PACRG: variants seen among roughly 807,000 people sequenced by gnomAD.
PACRG encodes parkin coregulated.
PACRG carries 29 observed loss-of-function variants against 29.7 expected under a neutral mutation model. The observed-to-expected ratio is 0.98, with a 90% CI of 0.73 to 1.33. The LOEUF (loss-of-function observed/expected upper bound fraction) is 1.33, where lower values mean the gene tolerates loss of function less well. Ranked by LOEUF, PACRG falls within the 40% of genes most tolerant of loss-of-function variation. The probability of loss-of-function intolerance (pLI) is 0.00; values close to 1 mark genes in which losing one functional copy is unlikely to be tolerated. For missense variants in PACRG, 279 were observed against 316.2 expected, an observed-to-expected ratio of 0.88 and a Z score of 0.89; for synonymous variants, 116 against 118.7, an observed-to-expected ratio of 0.98 and a Z score of 0.15.
intron 4 of PACRG, among the ~76,000 whole-genome samples, chr6:163,200,578 G>T (rs963243910): frequency 2.0e-5 from 3 of 152,026 alleles, no homozygotes; most frequent in African/African-American, 7.2e-5. Flanking sequence ...TGAATTTCGT[G>T]AGCAGCATGC....
chr6:162,797,303 G>GA (rs1010130703), intron 1 of PACRG, among the ~76,000 whole-genome samples: 9 of 151,894 alleles, frequency 5.9e-5, no homozygotes, highest in East Asian at 1.9e-4. Flanking sequence ...AACAACAACA[G>GA]AAAAAAACCT....
At chr6:162,944,605 G>A (rs930982728) in intron 2 of PACRG, among the ~76,000 whole-genome samples, 2 of 152,072 alleles carry the variant, frequency 1.3e-5, no homozygotes, top group African/African-American at 2.4e-5. Context: ...TGAATAAGAT[G>A]TTTACCAAAG....
intron 4 of PACRG, among the ~76,000 whole-genome samples, chr6:163,234,799 C>A (rs966624594): frequency 6.6e-5 from 10 of 152,260 alleles, no homozygotes; most frequent in African/African-American, 2.4e-4. Flanking sequence ...AGCAACAATG[C>A]TGTCTTGGGT....
intron 4 of PACRG, among the ~76,000 whole-genome samples, chr6:163,162,980 A>G (rs923613769): frequency 1.3e-5 from 2 of 152,224 alleles, no homozygotes; most frequent in Admixed American, 6.5e-5. Flanking sequence ...ACCACACAGC[A>G]AGGCAAACTC....
chr6:162,879,199 C>T (rs1793623623), intron 2 of PACRG, among the ~76,000 whole-genome samples: 1 of 152,116 alleles, frequency 6.6e-6, no homozygotes, highest in Admixed American at 6.6e-5. Context: ...ACTTTATTGC[C>T]AATTGTGCAC....
intron 2 of PACRG, among the ~76,000 whole-genome samples, chr6:162,989,450 G>A (rs1803216119): frequency 6.6e-6 from 1 of 152,134 alleles, no homozygotes; most frequent in Admixed American, 6.6e-5. Context: ...TCAAGTACCT[G>A]ACATGAAATG....
At chr6:162,947,619 T>TATATATATATATAATC (rs1799304070) in intron 2 of PACRG, among the ~76,000 whole-genome samples, 2 of 47,314 alleles carry the variant, frequency 4.2e-5, no homozygotes, top group African/African-American at 1.6e-4. Flanking sequence ...ATCATATATA[T>TATATATATATATAATC]ATATATATAT....
At chr6:163,084,606 A>G (rs1390314516) in intron 3 of PACRG, among the ~76,000 whole-genome samples, 1 of 152,144 alleles carries the variant, frequency 6.6e-6, no homozygotes, top group Admixed American at 6.5e-5. Context: ...ATTACGCGTT[A>G]CAGTTCAGGC....
At chr6:162,979,053 T>C (rs1419941067) in intron 2 of PACRG, among the ~76,000 whole-genome samples, 1 of 152,188 alleles carries the variant, frequency 6.6e-6, no homozygotes, top group Non-Finnish European at 1.5e-5. Flanking sequence ...AAACATATAT[T>C]CGTTATATAG....
At chr6:162,967,250 G>GAA (rs11319991) in intron 2 of PACRG, among the ~76,000 whole-genome samples, 60 of 150,174 alleles carry the variant, frequency 4.0e-4, no homozygotes, top group South Asian at 2.9e-3. Context: ...TACTAAAACT[G>GAA]AAAAAAAAAA....
At chr6:162,817,935 T>C (rs568548087) in intron 2 of PACRG, among the ~76,000 whole-genome samples, 3 of 152,280 alleles carry the variant, frequency 2.0e-5, no homozygotes, top group South Asian at 4.1e-4. Flanking sequence ...TATATACTTA[T>C]CAATGGCAAG....
intron 2 of PACRG, among the ~76,000 whole-genome samples, chr6:163,047,734 T>C (rs775221992): frequency 7.2e-5 from 11 of 152,220 alleles, no homozygotes; most frequent in Non-Finnish European, 1.3e-4. Flanking sequence ...GCATTTGTAG[T>C]AAAACAGCCA....
At chr6:162,796,040 C>T (rs575234550) in intron 1 of PACRG, among the ~76,000 whole-genome samples, 9 of 152,086 alleles carry the variant, frequency 5.9e-5, no homozygotes, top group Non-Finnish European at 1.0e-4. Flanking sequence ...TCATCATTCC[C>T]CAATGTTTTA....
chr6:162,939,173 A>G (rs983975225), intron 2 of PACRG, among the ~76,000 whole-genome samples: 3 of 152,210 alleles, frequency 2.0e-5, no homozygotes, highest in African/African-American at 7.2e-5. Context: ...AGGACTCCCT[A>G]TTCAACAAAT....
chr6:163,181,101 C>T (rs896422712), intron 4 of PACRG, among the ~76,000 whole-genome samples: 15 of 152,194 alleles, frequency 9.9e-5, no homozygotes, highest in South Asian at 6.2e-4. Flanking sequence ...TTCAGCTGTG[C>T]GGGCACCTGT....
chr6:163,299,201 G>T (rs1422500565), intron 4 of PACRG, among the ~76,000 whole-genome samples: 1 of 152,224 alleles, frequency 6.6e-6, no homozygotes, highest in Non-Finnish European at 1.5e-5. Context: ...TTAGAAGCTG[G>T]TTCCTGAGTC....
At chr6:163,313,991 C>T (rs747297031) in intron 4 of PACRG, 2 of 152,216 alleles carry the variant, frequency 1.3e-5, no homozygotes, top group East Asian at 1.9e-4. Context: ...TGGATACAAT[C>T]GCATATCTCT....
intron 1 of PACRG, among the ~76,000 whole-genome samples, chr6:162,739,722 G>T (rs2128258424): frequency 6.6e-6 from 1 of 151,642 alleles, no homozygotes; most frequent in South Asian, 2.1e-4. Context: ...GGTGTCTGTA[G>T]TCCCAGCTAC....
At chr6:162,733,959 G>A (rs151093994) in intron 1 of PACRG, among the ~76,000 whole-genome samples, 2,585 of 152,174 alleles carry the variant, frequency 0.017, 31 homozygotes, top group Non-Finnish European at 0.027. Context: ...TTCTACCAGA[G>A]AGTAAGCCCC....
Sources: gnomAD v4.1 joint callset for allele counts (sites outside exome capture counted in the v4.1 genomes callset) on GRCh38, gnomAD v4.1.1 for gene constraint, MANE v1.5 for transcripts, NCBI Gene and HGNC (gene_info 2026-07-23, HGNC 2026-07-21) for gene names.